Variants in NCALD observed in about 807,000 individuals in gnomAD.
The protein encoded by NCALD is neurocalcin-delta.
NCALD carries 10 observed loss-of-function variants against 18.6 expected under a neutral mutation model. The ratio of observed to expected loss-of-function variants is 0.54; its 90% CI spans 0.33 to 0.91. The LOEUF is 0.91. Among genes scored for constraint, NCALD ranks in the 40% least tolerant of loss-of-function variants. The probability of loss-of-function intolerance (pLI) is 0.03; values close to 1 mark genes in which losing one functional copy is unlikely to be tolerated. For missense variants in NCALD, 184 were observed against 247.6 expected (o/e 0.74, Z 1.72); for synonymous variants, 88 against 87.4 (o/e 1.01, Z -0.04).
At chr8:101,750,062 GC>G (rs1356398736) in intron 1 of NCALD, 1 of 152,456 alleles carries the variant, frequency 6.6e-6, no homozygotes, top group Non-Finnish European at 1.5e-5. Flanking sequence ...AGAAGGGGAA[GC>G]AAACATGCCC....
intron 2 of NCALD, among the ~76,000 whole-genome samples, chr8:101,928,764 A>G (rs1384383295): frequency 6.6e-6 from 1 of 152,024 alleles, no homozygotes; most frequent in East Asian, 1.9e-4. Context: ...TTAATGCTCT[A>G]GTTGTTCTTT....
chr8:101,911,347 C>CT (rs923592706), intron 3 of NCALD, among the ~76,000 whole-genome samples: 1 of 144,868 alleles, frequency 6.9e-6, no homozygotes, highest in Non-Finnish European at 1.5e-5. Context: ...TTTCTCTTTT[C>CT]TTTTTTTTCT....
chr8:101,896,279 T>C (rs1163168640), intron 3 of NCALD, among the ~76,000 whole-genome samples: 1 of 152,042 alleles, frequency 6.6e-6, no homozygotes, highest in Non-Finnish European at 1.5e-5. Flanking sequence ...ATTCCCTATT[T>C]AATAAGTGGT....
chr8:101,688,642 G>A lies in NCALD; in HGVS notation c.*667C>T, dbSNP rs1814567203. 1 of 459,680 alleles carries A rather than the reference G, an allele frequency of 2.2e-6. No individual in the cohort carries two copies. Among genetic ancestry groups the A allele is most frequent in the Non-Finnish European group, 4.4e-6 (1 of 229,256 alleles). 28.5% of individuals were successfully genotyped at this position (459,680 alleles called of 1,614,324 possible). On this transcript the variant is annotated 3_prime_UTR_variant, in exon 4 of 4. Coordinates refer to ENST00000220931, the MANE Select transcript of NCALD (RefSeq NM_032041.3). Reference sequence around the variant, plus strand: ...GGTTTTGGAATATGTTACCATTTGTGTTTAATTTCCAAAGACACGCATATT... The same window carrying A: ...GGTTTTGGAATATGTTACCATTTGTATTTAATTTCCAAAGACACGCATATT...
chr8:102,057,303 G>C (rs191995280), intron 1 of NCALD, among the ~76,000 whole-genome samples: 1 of 142,012 alleles, frequency 7.0e-6, no homozygotes, highest in African/African-American at 2.7e-5. Context: ...CATATAGATA[G>C]ATAGATATTT....
At chr8:102,056,096 T>C (rs1375610009) in intron 1 of NCALD, among the ~76,000 whole-genome samples, 1 of 152,224 alleles carries the variant, frequency 6.6e-6, no homozygotes, top group Non-Finnish European at 1.5e-5. Flanking sequence ...ACATTTTCTA[T>C]ACCTTTGAAC....
chr8:101,889,061 G>A (rs1215250481), intron 3 of NCALD, among the ~76,000 whole-genome samples: 2 of 152,160 alleles, frequency 1.3e-5, no homozygotes, highest in African/African-American at 4.8e-5. Flanking sequence ...TTACTAGGTA[G>A]GGCTCCTGGA....
chr8:101,852,237 TG>T (rs1444184345), intron 4 of NCALD, among the ~76,000 whole-genome samples: 3 of 151,918 alleles, frequency 2.0e-5, no homozygotes, highest in Non-Finnish European at 4.4e-5. Flanking sequence ...CTCGAGGGAG[TG>T]ATATTTGCCA....
intron 1 of NCALD, among the ~76,000 whole-genome samples, chr8:101,781,580 C>T (rs1011425621): frequency 2.6e-5 from 4 of 152,142 alleles, no homozygotes; most frequent in Admixed American, 1.3e-4. Context: ...CCATCAGAGA[C>T]TGAAATAAAT....
intron 1 of NCALD, chr8:102,123,687 C>G (rs1304220250): frequency 3.3e-5 from 5 of 152,536 alleles, no homozygotes; most frequent in African/African-American, 1.2e-4. Context: ...ACCACTTCCT[C>G]GTCCGTGTTC....
At position 101,719,508 on chromosome 8, in the gene NCALD, C is replaced by T. The variant is rs1275822563; in HGVS notation, c.122G>A (p.Gly41Glu). ...CTTAAACTCTTCCATTGACAAATGTCCACTGGGGCAGTCTCTCAAGAAGCC... is the reference window on the plus strand; with the variant it reads ...CTTAAACTCTTCCATTGACAAATGTTCACTGGGGCAGTCTCTCAAGAAGCC... ...YKGFLRDCPS[G>E]HLSMEEFKKI... is the part of the protein sequence containing the mutation. The change falls in exon 2 of 4, where the codon GGA becomes GAA. Residue 41 changes from glycine (G) to glutamate (E), a missense_variant. By Grantham distance (98) the Gly-to-Glu change is moderately conservative. Coordinates refer to ENST00000220931, the MANE Select transcript of NCALD (RefSeq NM_032041.3). The T allele has an allele frequency of 6.2e-7, 1 of 1,614,100 alleles. No homozygotes were observed. The highest frequency in any genetic ancestry group is 1.7e-5 in the Admixed American group (1 of 60,014).
chr8:101,737,754 C>T (rs561149303), intron 1 of NCALD, among the ~76,000 whole-genome samples: 126 of 152,324 alleles, frequency 8.3e-4, no homozygotes, highest in African/African-American at 2.9e-3. Flanking sequence ...TCTTTCCTCT[C>T]CCCAGGGAGC....
chr8:101,820,946 T>C (rs1399872650), intron 4 of NCALD, among the ~76,000 whole-genome samples: 2 of 152,138 alleles, frequency 1.3e-5, no homozygotes, highest in Non-Finnish European at 2.9e-5. Context: ...ATTTTAATCA[T>C]CAAGTATACA....
At chr8:101,752,185 TA>T (rs985912658) in intron 1 of NCALD, among the ~76,000 whole-genome samples, 25 of 152,070 alleles carry the variant, frequency 1.6e-4, no homozygotes, top group African/African-American at 6.0e-4. Flanking sequence ...AATTCATCCA[TA>T]AAAAATGCAA....
At chr8:102,082,076 G>A (rs1824557513) in intron 1 of NCALD, among the ~76,000 whole-genome samples, 1 of 152,004 alleles carries the variant, frequency 6.6e-6, no homozygotes, top group Non-Finnish European at 1.5e-5. Context: ...CATTAATGCT[G>A]CCACAACCAA....
chr8:101,952,679 C>T (rs1819476192), intron 2 of NCALD, among the ~76,000 whole-genome samples: 1 of 152,204 alleles, frequency 6.6e-6, no homozygotes, highest in African/African-American at 2.4e-5. Context: ...TAACACACCC[C>T]AGCTAAGGAG....
At chr8:102,044,417 C>T (rs12334499) in intron 1 of NCALD, among the ~76,000 whole-genome samples, 21,626 of 149,744 alleles carry the variant, frequency 0.14, 1,935 homozygotes, top group Non-Finnish European at 0.2. Flanking sequence ...AAGGGTGAGG[C>T]CATATTTCAT....
At chr8:101,902,565 T>C (rs1586728131) in intron 3 of NCALD, among the ~76,000 whole-genome samples, 1 of 152,114 alleles carries the variant, frequency 6.6e-6, no homozygotes, top group South Asian at 2.1e-4. Flanking sequence ...TGCCTCCAGG[T>C]GACTGGACCG....
At chr8:101,820,758 A>G (rs946011394) in intron 4 of NCALD, among the ~76,000 whole-genome samples, 9 of 152,210 alleles carry the variant, frequency 5.9e-5, no homozygotes, top group Non-Finnish European at 7.3e-5. Context: ...CCGAAGCTAC[A>G]AATGCCAGGA....
Sources: allele counts gnomAD v4.1 joint callset (sites outside exome capture counted in the v4.1 genomes callset), GRCh38; gene constraint gnomAD v4.1.1; transcripts MANE v1.5; gene names NCBI Gene and HGNC (gene_info 2026-07-23, HGNC 2026-07-21).